The following DLG2 variants were observed in gnomAD, a reference collection of about 807,000 sequenced individuals.
DLG2 encodes discs large MAGUK scaffold protein 2, also known as disks large homolog 2.
DLG2 carries 45 observed loss-of-function variants against 132.5 expected under a neutral mutation model. The observed-to-expected ratio is 0.34, with a 90% CI of 0.27 to 0.44. The LOEUF is 0.44. DLG2 is among the 20% of genes least tolerant of loss of function. The pLI is 1.00. For synonymous variants in DLG2, 424 were observed against 419.6 expected, an observed-to-expected ratio of 1.01 and a Z score of -0.13; for missense variants, 1,045 against 1,196.9, an observed-to-expected ratio of 0.87 and a Z score of 1.87.
intron 6 of DLG2, among the ~76,000 whole-genome samples, chr11:84,680,357 A>C (rs540859166): frequency 1.9e-4 from 29 of 152,306 alleles, no homozygotes; most frequent in African/African-American, 6.7e-4. Context: ...CAGTATCAGT[A>C]TGAAGATAAG....
At chr11:85,536,793 T>C (rs1184044945) in intron 3 of DLG2, among the ~76,000 whole-genome samples, 2 of 152,226 alleles carry the variant, frequency 1.3e-5, no homozygotes, top group Non-Finnish European at 2.9e-5. Flanking sequence ...CACGGGATGA[T>C]TGGCCACAAT....
intron 8 of DLG2, among the ~76,000 whole-genome samples, chr11:84,197,230 C>T (rs919014037): frequency 5.9e-5 from 9 of 151,996 alleles, no homozygotes; most frequent in African/African-American, 1.7e-4. Flanking sequence ...ATCTCTAGGT[C>T]CACATACCTA....
At position 83,830,723 on chromosome 11, in the gene DLG2, T is replaced by C. The variant is rs2054247690; in HGVS notation, c.1722+2891A>G. 2.0e-5 allele frequency among the ~76,000 whole-genome samples: 3 copies of C among 152,180 alleles called. No homozygotes were observed. The South Asian group carries it at 6.2e-4, about 31-fold the overall frequency. Reference sequence around the variant, plus strand: ...AAAGAACACTGACTTGAGTTCAGCTTTATAGTCAGTAGCTGTGGAGACATA... The same window carrying C: ...AAAGAACACTGACTTGAGTTCAGCTCTATAGTCAGTAGCTGTGGAGACATA... On this transcript the variant is annotated intron_variant, in intron 17 of 27. Transcript: ENST00000376104.
intron 16 of DLG2, among the ~76,000 whole-genome samples, chr11:83,842,333 C>T (rs1169299235): frequency 6.6e-6 from 1 of 152,066 alleles, no homozygotes; most frequent in Non-Finnish European, 1.5e-5. Context: ...TGGTGGCTCA[C>T]GCCTGTAATC....
chr11:85,336,003 A>G (rs539918831), intron 3 of DLG2: 5 of 152,166 alleles, frequency 3.3e-5, no homozygotes, highest in Non-Finnish European at 7.3e-5. Context: ...TAGGCCTCCA[A>G]TCTTTTCTCC....
At chr11:84,987,639 G>A (rs548662453) in intron 6 of DLG2, among the ~76,000 whole-genome samples, 1 of 152,094 alleles carries the variant, frequency 6.6e-6, no homozygotes, top group Non-Finnish European at 1.5e-5. Context: ...ACTGATCTTT[G>A]ACAAAGCAAA....
intron 4 of DLG2, among the ~76,000 whole-genome samples, chr11:85,178,403 TTTTC>T (rs1379598262): frequency 1.3e-4 from 20 of 151,998 alleles, no homozygotes; most frequent in African/African-American, 4.1e-4. Context: ...TTTTTGTAAC[TTTTC>T]TTTGTTTTAG....
chr11:84,331,444 A>G (rs2098458121), intron 7 of DLG2, among the ~76,000 whole-genome samples: 1 of 119,868 alleles, frequency 8.3e-6, no homozygotes, highest in Non-Finnish European at 1.8e-5. Flanking sequence ...CTTATCTCAA[A>G]AAAAAAAAAA....
At chr11:85,493,058 C>A (rs1408506323) in intron 3 of DLG2, among the ~76,000 whole-genome samples, 1 of 151,868 alleles carries the variant, frequency 6.6e-6, no homozygotes, top group Non-Finnish European at 1.5e-5. Context: ...TTTCCTGAGT[C>A]ATATTGGCAG....
intron 9 of DLG2, among the ~76,000 whole-genome samples, chr11:84,150,711 C>T (rs1566717064): frequency 1.3e-5 from 2 of 152,050 alleles, no homozygotes; most frequent in Admixed American, 1.3e-4. Flanking sequence ...GGAATGCTTC[C>T]AGCTTTGTCC....
At chr11:84,900,789 C>T (rs2090786500) in intron 6 of DLG2, among the ~76,000 whole-genome samples, 1 of 151,868 alleles carries the variant, frequency 6.6e-6, no homozygotes, top group East Asian at 1.9e-4. Context: ...GAGTTTTATT[C>T]CTTTTTCTAT....
At chr11:85,294,179 A>G (rs534730349) in intron 3 of DLG2, among the ~76,000 whole-genome samples, 1 of 152,252 alleles carries the variant, frequency 6.6e-6, no homozygotes, top group East Asian at 1.9e-4. Context: ...AGAAAATAAT[A>G]AATAGAGTGA....
At chr11:85,486,247 T>G (rs1229379188) in intron 3 of DLG2, among the ~76,000 whole-genome samples, 1 of 152,034 alleles carries the variant, frequency 6.6e-6, no homozygotes, top group Non-Finnish European at 1.5e-5. Flanking sequence ...CACTGCCCTG[T>G]GTGGGCTGCT....
intron 21 of DLG2, among the ~76,000 whole-genome samples, chr11:83,530,824 T>C (rs957578828): frequency 3.9e-5 from 6 of 152,020 alleles, no homozygotes; most frequent in African/African-American, 1.2e-4. Context: ...ATCTTGTATA[T>C]AGAAAACTCT....
chr11:85,416,723 T>A (rs1310750979), intron 3 of DLG2, among the ~76,000 whole-genome samples: 1 of 152,222 alleles, frequency 6.6e-6, no homozygotes, highest in East Asian at 1.9e-4. Flanking sequence ...GGGAGTTCAC[T>A]CATGATTTGG....
intron 6 of DLG2, among the ~76,000 whole-genome samples, chr11:85,040,140 A>T (rs1427371519): frequency 6.6e-6 from 1 of 151,920 alleles, no homozygotes; most frequent in African/African-American, 2.4e-5. Flanking sequence ...CCTATTGTAG[A>T]TTAATTCTCA....
chr11:84,801,023 G>T (rs2075304568), intron 6 of DLG2, among the ~76,000 whole-genome samples: 1 of 152,162 alleles, frequency 6.6e-6, no homozygotes, highest in African/African-American at 2.4e-5. Context: ...GCAGCAGGGA[G>T]AACTGGATTT....
At chr11:85,181,865 G>A (rs1051083944) in intron 4 of DLG2, among the ~76,000 whole-genome samples, 1 of 151,098 alleles carries the variant, frequency 6.6e-6, no homozygotes, top group East Asian at 1.9e-4. Flanking sequence ...GGAGATCATC[G>A]TCCCTTACAG....
chr11:84,355,639 T>C (rs996107228), intron 7 of DLG2, among the ~76,000 whole-genome samples: 6 of 152,122 alleles, frequency 3.9e-5, no homozygotes, highest in African/African-American at 1.4e-4. Flanking sequence ...CTAAGAACTA[T>C]GGTTATAGCT....
Sources: gnomAD v4.1 joint callset for allele counts (sites outside exome capture counted in the v4.1 genomes callset) on GRCh38, gnomAD v4.1.1 for gene constraint, MANE v1.5 for transcripts, NCBI Gene and HGNC (gene_info 2026-07-23, HGNC 2026-07-21) for gene names.